Variants in TMEM63C observed in about 807,000 individuals in gnomAD.
The protein encoded by TMEM63C is transmembrane protein 63C.
In TMEM63C, 32 loss-of-function variants were observed where a neutral mutation model predicts 99.2. The observed-to-expected ratio is 0.32, with a 90% CI of 0.24 to 0.43. The LOEUF is 0.43. Ranked by LOEUF, TMEM63C falls within the 20% of genes least tolerant of loss-of-function variation. The pLI is 1.00. For synonymous variants in TMEM63C, 376 were observed against 397.9 expected (o/e 0.94, Z 0.66); for missense variants, 826 against 1,053.0 (o/e 0.78, Z 2.98).
chr14:77,236,521 G>A, intron 8 of TMEM63C, 103 bp from the exon 9 acceptor site: 1 of 794,466 alleles, frequency 1.3e-6, no homozygotes, highest in Non-Finnish European at 2.2e-6. Context: ...TGGGCTGGGG[G>A]GCCCCAGGAG....
intron 6 of TMEM63C, among the ~76,000 whole-genome samples, chr14:77,225,687 A>G (rs1888807823): frequency 6.6e-6 from 1 of 152,208 alleles, no homozygotes; most frequent in South Asian, 2.1e-4. Context: ...CTCAGTCCTT[A>G]GGGAAGGACC....
chr14:77,220,131 G>A (rs1280967713), intron 5 of TMEM63C, 44 bp downstream of exon 5: 1 of 1,524,916 alleles, frequency 6.6e-7, no homozygotes. Flanking sequence ...CCCAGCACTG[G>A]GCAGGCAGGC....
intron 1 of TMEM63C, among the ~76,000 whole-genome samples, chr14:77,186,813 G>GTGTA (rs1309253131): frequency 1.1e-5 from 1 of 90,278 alleles, no homozygotes; most frequent in African/African-American, 3.3e-5. Flanking sequence ...GTGTGTGTGT[G>GTGTA]TGTGTGTCTG....
intron 1 of TMEM63C, among the ~76,000 whole-genome samples, chr14:77,211,534 G>A (rs1033330702): frequency 1.3e-5 from 2 of 152,226 alleles, no homozygotes; most frequent in African/African-American, 4.8e-5. Context: ...TCATCCCTGA[G>A]ATTTGGCTTT....
chr14:77,250,597 GC>G (rs1889344831), intron 21 of TMEM63C, among the ~76,000 whole-genome samples: 1 of 151,720 alleles, frequency 6.6e-6, no homozygotes, highest in Non-Finnish European at 1.5e-5. Flanking sequence ...GTGCCACCAC[GC>G]CCCGCTAATT....
intron 1 of TMEM63C, among the ~76,000 whole-genome samples, chr14:77,204,653 C>T (rs567767163): frequency 6.6e-6 from 1 of 152,202 alleles, no homozygotes. Flanking sequence ...CCGTCTGCTA[C>T]GTCATCCCGT....
rs750331360 is a variant in TMEM63C, at chr14:77,186,776, G to GGTGTGTGTGTGTGTGTGTGTGT, written c.-77+4885_-77+4906dup. 1.7e-3 allele frequency among the ~76,000 whole-genome samples: 233 copies of GGTGTGTGTGTGTGTGTGTGTGT among 138,516 alleles called. 1 individual carries two copies. The highest frequency in any genetic ancestry group is 2.7e-3 in the East Asian group (13 of 4,844). 90.9% of individuals were successfully genotyped at this position (138,516 alleles called of 152,430 possible). A position where few individuals can be genotyped will look rare whatever the true frequency, so the allele number is the denominator to read the frequency against. On this transcript the variant is annotated intron_variant, in intron 1 of 23. Transcript: ENST00000298351. The stretch of plus-strand genomic sequence containing the variant: ...GGGGGAATCTTCTCAGAACCAAAGG[G>GGTGTGTGTGTGTGTGTGTGTGT]GTGTGTGTGTGTGTGTGTGTGTGTC...
At chr14:77,183,012 G>A (rs1253376299) in intron 1 of TMEM63C, among the ~76,000 whole-genome samples, 1 of 152,156 alleles carries the variant, frequency 6.6e-6, no homozygotes, top group Non-Finnish European at 1.5e-5. Flanking sequence ...CCTGTCCCTG[G>A]GAGAAATGGG....
At chr14:77,246,119 C>A in intron 17 of TMEM63C, 93 bp downstream of exon 17, 1 of 1,009,326 alleles carries the variant, frequency 9.9e-7, no homozygotes, top group Non-Finnish European at 1.6e-6. Flanking sequence ...CCTGTGATTG[C>A]TGCAAACCCA....
At chr14:77,224,419 A>G (rs1888781178) in intron 5 of TMEM63C, among the ~76,000 whole-genome samples, 1 of 152,098 alleles carries the variant, frequency 6.6e-6, no homozygotes, top group African/African-American at 2.4e-5. Flanking sequence ...TGGTTCACAG[A>G]AGTGCACATG....
intron 6 of TMEM63C, among the ~76,000 whole-genome samples, chr14:77,226,283 G>A (rs1380596058): frequency 1.3e-5 from 2 of 152,020 alleles, no homozygotes; most frequent in Non-Finnish European, 2.9e-5. Context: ...AGGCCCCTCT[G>A]TCAGGGACCC....
At chr14:77,196,718 A>G (rs1291729672) in intron 1 of TMEM63C, among the ~76,000 whole-genome samples, 5 of 152,262 alleles carry the variant, frequency 3.3e-5, no homozygotes, top group Admixed American at 6.5e-5. Flanking sequence ...TCTTAGAGGC[A>G]GAATCCAACC....
At chr14:77,248,187 A>G (rs1486619871) in intron 18 of TMEM63C, among the ~76,000 whole-genome samples, 160 bp from the exon 19 acceptor site, 2 of 152,192 alleles carry the variant, frequency 1.3e-5, no homozygotes, top group Non-Finnish European at 2.9e-5. Context: ...GGAGAGAGAC[A>G]GAGAAAAAGA....
In TMEM63C at chr14:77,257,805, C is replaced by T. The variant is rs560883651; in HGVS notation, c.*1079C>T. On this transcript the variant is annotated 3_prime_UTR_variant, in exon 24 of 24. Transcript: ENST00000298351. ...ACCCTTCCTCCCTTCTCGGGGCTGC[C>T]CCTGCACCCTGCCTTGAAGACCACC... 1.3e-5 allele frequency: 2 copies of T among 152,676 alleles called. No homozygotes were observed. Among genetic ancestry groups the T allele is most frequent in the Non-Finnish European group, 2.9e-5 (2 of 68,332 alleles). 9.5% of individuals were successfully genotyped at this position (152,676 alleles called of 1,614,324 possible).
intron 8 of TMEM63C, among the ~76,000 whole-genome samples, chr14:77,234,133 G>A (rs1039057827): frequency 2.0e-5 from 3 of 152,178 alleles, no homozygotes; most frequent in Admixed American, 6.5e-5. Flanking sequence ...ATGTGGCCCC[G>A]TTGGTCCATG....
chr14:77,239,337 C>T (rs752102800), intron 10 of TMEM63C, 75 bp from the exon 11 acceptor site: 5 of 1,497,256 alleles, frequency 3.3e-6, no homozygotes, highest in Middle Eastern at 1.7e-4. Flanking sequence ...TCAGGGCCGA[C>T]ATGCTGGGCA....
chr14:77,219,791 G>A (rs1002993114), intron 4 of TMEM63C, among the ~76,000 whole-genome samples: 2 of 152,226 alleles, frequency 1.3e-5, no homozygotes, highest in Non-Finnish European at 2.9e-5. Flanking sequence ...AGACTTTCTG[G>A]ATCACGTGGC....
chr14:77,204,392 G>A (rs1281686580), intron 1 of TMEM63C, among the ~76,000 whole-genome samples: 5 of 152,228 alleles, frequency 3.3e-5, no homozygotes, highest in Non-Finnish European at 1.5e-5. Context: ...ATGCTCACCA[G>A]CAGCTCCCTT....
chr14:77,240,461 G>A lies in TMEM63C; in HGVS notation c.931-14G>A. On this transcript the variant is annotated splice_polypyrimidine_tract_variant and intron_variant, in intron 12 of 23. Transcript: ENST00000298351. ...GGCTCTGGCCCCAGCCCTGAAGGCT[G>A]CCTGCCACCCCAGGTGGATGCAGAG... is the stretch of plus-strand genomic sequence containing the variant. 1 of 1,605,010 alleles carries A rather than the reference G, an allele frequency of 6.2e-7. No homozygotes were observed. Among genetic ancestry groups the A allele is most frequent in the Non-Finnish European group, 8.5e-7 (1 of 1,178,614 alleles).
Sources: allele counts gnomAD v4.1 joint callset (sites outside exome capture counted in the v4.1 genomes callset), GRCh38; gene constraint gnomAD v4.1.1; transcripts MANE v1.5; gene names NCBI Gene and HGNC (gene_info 2026-07-23, HGNC 2026-07-21).